The following RAB3GAP2 variants were observed in gnomAD, a reference collection of about 807,000 sequenced individuals.
RAB3GAP2 encodes RAB3 GTPase activating non-catalytic protein subunit 2, also known as rab3 GTPase-activating protein non-catalytic subunit.
Under a neutral mutation model 185.3 loss-of-function variants are expected in RAB3GAP2, and 87 were observed. The ratio of observed to expected loss-of-function variants is 0.47; its 90% CI spans 0.39 to 0.56. RAB3GAP2 has a LOEUF of 0.56. Among genes scored for constraint, RAB3GAP2 ranks in the 20% least tolerant of loss-of-function variants. RAB3GAP2 has a pLI of 0.00. For missense variants in RAB3GAP2, 1,492 were observed against 1,638.2 expected, an observed-to-expected ratio of 0.91 and a Z score of 1.54; for synonymous variants, 554 against 576.1, an observed-to-expected ratio of 0.96 and a Z score of 0.55.
intron 1 of RAB3GAP2, among the ~76,000 whole-genome samples, chr1:220,261,073 A>G (rs1302839687): frequency 6.6e-6 from 1 of 152,096 alleles, no homozygotes; most frequent in Non-Finnish European, 1.5e-5. Context: ...CATACTTTAA[A>G]AAAAAGGGGG....
At chr1:220,240,265 C>G (rs561793912) in intron 1 of RAB3GAP2, among the ~76,000 whole-genome samples, 8 of 152,252 alleles carry the variant, frequency 5.3e-5, no homozygotes, top group Admixed American at 3.9e-4. Context: ...AGCGTTCCAG[C>G]AATAAGGAAA....
At chr1:220,190,548 A>G in intron 14 of RAB3GAP2, 28 bp from the exon 15 acceptor site, 1 of 1,562,308 alleles carries the variant, frequency 6.4e-7, no homozygotes, top group South Asian at 1.1e-5. Context: ...CAATATGGTA[A>G]AAATATTAGA....
intron 2 of RAB3GAP2, among the ~76,000 whole-genome samples, chr1:220,231,447 TTTTA>T: frequency 6.6e-6 from 1 of 152,194 alleles, no homozygotes; most frequent in African/African-American, 2.4e-5. Context: ...CATCTTTCTT[TTTTA>T]TGTCTCCCTC....
At chr1:220,248,430 AATC>A (rs1225364518) in intron 1 of RAB3GAP2, among the ~76,000 whole-genome samples, 1 of 152,170 alleles carries the variant, frequency 6.6e-6, no homozygotes, top group Non-Finnish European at 1.5e-5. Context: ...ACGTATATCA[AATC>A]ATCATGTTGC....
At position 220,149,268 on chromosome 1, in the gene RAB3GAP2, TAG is replaced by T. The variant is rs1171047257; in HGVS notation, c.*1981_*1982del. ...AAAATTTTAGGATAACAAATCTAAC[TAG>T]AGACTTAATGATTTGTGTTAGGATT... On this transcript the variant is annotated 3_prime_UTR_variant, in exon 35 of 35. Coordinates refer to ENST00000358951, the MANE Select transcript of RAB3GAP2 (RefSeq NM_012414.4). 1.3e-5 allele frequency: 2 copies of T among 152,170 alleles called. No homozygotes were observed. Among genetic ancestry groups the T allele is most frequent in the Non-Finnish European group, 2.9e-5 (2 of 68,024 alleles). The allele number at this position is 152,170 out of a possible 1,614,324, so 9.4% of individuals were successfully genotyped here.
intron 1 of RAB3GAP2, among the ~76,000 whole-genome samples, chr1:220,247,574 T>C (rs547181889): frequency 2.0e-5 from 3 of 152,268 alleles, no homozygotes; most frequent in East Asian, 3.9e-4. Context: ...CAGAGTGATA[T>C]AATGAACTCT....
chr1:220,244,355 A>C (rs1571925225), intron 1 of RAB3GAP2, among the ~76,000 whole-genome samples: 1 of 152,230 alleles, frequency 6.6e-6, no homozygotes, highest in East Asian at 1.9e-4. Flanking sequence ...CCAAGAAGGC[A>C]GAAGATCTCT....
intron 6 of RAB3GAP2, 91 bp from the exon 7 acceptor site, chr1:220,210,580 A>T: frequency 9.3e-7 from 1 of 1,075,266 alleles, no homozygotes; most frequent in Admixed American, 1.7e-5. Context: ...TTTCCCCAAC[A>T]GTTTTCCAGA....
intron 1 of RAB3GAP2, among the ~76,000 whole-genome samples, chr1:220,260,490 C>T (rs1156757215): frequency 2.0e-5 from 3 of 151,734 alleles, no homozygotes; most frequent in South Asian, 2.1e-4. Flanking sequence ...CAAACTAATG[C>T]GGGAACAGAA....
chr1:220,189,849 G>C, intron 16 of RAB3GAP2, 82 bp from the exon 17 acceptor site: 6 of 1,226,050 alleles, frequency 4.9e-6, no homozygotes, highest in Non-Finnish European at 6.8e-6. Context: ...GAACATATCT[G>C]TACTATCAGT....
chr1:220,218,934 GA>G (rs1358049189), intron 2 of RAB3GAP2, among the ~76,000 whole-genome samples: 1 of 152,006 alleles, frequency 6.6e-6, no homozygotes, highest in African/African-American at 2.4e-5. Flanking sequence ...CAACATATCA[GA>G]TTCAATACAA....
At position 220,205,894 on chromosome 1, in the gene RAB3GAP2, GC is replaced by G. The variant is rs1413414647; in HGVS notation, c.712+12del. 2.6e-6 allele frequency: 4 copies of G among 1,533,818 alleles called. No homozygotes were observed. Among genetic ancestry groups the G allele is most frequent in the Non-Finnish European group, 3.6e-6 (4 of 1,108,390 alleles). On this transcript the variant is annotated intron_variant, in intron 8 of 34. Transcript: ENST00000358951. ...CATTAACAGAGGTTAAATATTTCTT[GC>G]CAAAATATTACCTTTTGCTACCTGA... is the stretch of plus-strand genomic sequence containing the variant.
chr1:220,243,065 A>G (rs1229796351), intron 1 of RAB3GAP2, among the ~76,000 whole-genome samples: 1 of 152,198 alleles, frequency 6.6e-6, no homozygotes, highest in African/African-American at 2.4e-5. Context: ...TAAAAAAAAG[A>G]TATAACAGGC....
At chr1:220,191,958 C>G (rs1658632119) in intron 13 of RAB3GAP2, among the ~76,000 whole-genome samples, 1 of 152,162 alleles carries the variant, frequency 6.6e-6, no homozygotes. Context: ...TGGGAGGAAG[C>G]TCTTGCATGG....
intron 1 of RAB3GAP2, among the ~76,000 whole-genome samples, chr1:220,245,792 T>A (rs908325330): frequency 6.6e-6 from 1 of 152,196 alleles, no homozygotes; most frequent in East Asian, 1.9e-4. Context: ...AAGAGAGCAG[T>A]GGTTCTCCCA....
chr1:220,262,510 A>AT (rs1179613028), intron 1 of RAB3GAP2, among the ~76,000 whole-genome samples: 1 of 152,046 alleles, frequency 6.6e-6, no homozygotes, highest in Non-Finnish European at 1.5e-5. Flanking sequence ...CCGCCATTCT[A>AT]TTTTTTGTTT....
chr1:220,210,713 G>A, intron 6 of RAB3GAP2, 88 bp downstream of exon 6: 1 of 1,343,008 alleles, frequency 7.4e-7, no homozygotes, highest in African/African-American at 1.5e-5. Context: ...CAGGCAGCAG[G>A]TAATAAAGTC....
At chr1:220,248,396 G>A (rs1385933943) in intron 1 of RAB3GAP2, among the ~76,000 whole-genome samples, 3 of 152,082 alleles carry the variant, frequency 2.0e-5, no homozygotes, top group African/African-American at 7.2e-5. Context: ...AACTATGTAA[G>A]GTGATTGTAA....
chr1:220,241,524 G>T (rs931050727), intron 1 of RAB3GAP2, among the ~76,000 whole-genome samples: 7 of 151,846 alleles, frequency 4.6e-5, no homozygotes, highest in African/African-American at 1.7e-4. Flanking sequence ...ATAATTTAGG[G>T]GATTCAGCAA....
Sources: allele counts gnomAD v4.1 joint callset (sites outside exome capture counted in the v4.1 genomes callset), GRCh38; gene constraint gnomAD v4.1.1; transcripts MANE v1.5; gene names NCBI Gene and HGNC (gene_info 2026-07-23, HGNC 2026-07-21).